The following VPS13C variants were observed in gnomAD, a reference collection of about 807,000 sequenced individuals.
VPS13C encodes intermembrane lipid transfer protein VPS13C.
Under a neutral mutation model 456.8 loss-of-function variants are expected in VPS13C, and 358 were observed. The observed-to-expected ratio is 0.78, with a 90% CI of 0.72 to 0.86. VPS13C has a LOEUF of 0.86. Among genes scored for constraint, VPS13C ranks in the 40% least tolerant of loss-of-function variants. VPS13C has a pLI of 0.00. For synonymous variants in VPS13C, 1,578 were observed against 1,486.7 expected, an observed-to-expected ratio of 1.06 and a Z score of -1.41; for missense variants, 4,818 against 4,385.4, an observed-to-expected ratio of 1.10 and a Z score of -2.79.
At chr15:61,927,028 T>G (rs914902844) in intron 52 of VPS13C, 63 bp downstream of exon 52, 2 of 1,418,402 alleles carry the variant, frequency 1.4e-6, no homozygotes, top group Non-Finnish European at 2.0e-6. Flanking sequence ...TATTCTAGGA[T>G]TCTATGAATC....
chr15:61,961,442 C>A (rs912000062), intron 35 of VPS13C, 147 bp downstream of exon 35: 22 of 557,270 alleles, frequency 3.9e-5, no homozygotes, highest in South Asian at 5.1e-5. Flanking sequence ...CACACACACA[C>A]AAAACAATGA....
At chr15:61,874,055 A>T (rs1895232148) in intron 77 of VPS13C, among the ~76,000 whole-genome samples, 1 of 152,076 alleles carries the variant, frequency 6.6e-6, no homozygotes, top group Admixed American at 6.6e-5. Context: ...GGAGGACATT[A>T]TGTTAAGTGA....
At chr15:62,013,623 C>G (rs754491377) in intron 10 of VPS13C, among the ~76,000 whole-genome samples, 16 of 151,988 alleles carry the variant, frequency 1.1e-4, no homozygotes, top group Non-Finnish European at 2.4e-4. Flanking sequence ...TAGCTTAGTA[C>G]TTTAATCAAT....
chr15:61,875,701 C>T, intron 76 of VPS13C, 31 bp downstream of exon 76: 1 of 1,524,968 alleles, frequency 6.6e-7, no homozygotes, highest in Admixed American at 1.7e-5. Context: ...TTTTTCTGTA[C>T]CTATCCTTAG....
At chr15:62,036,991 A>T (rs2140670202) in intron 3 of VPS13C, among the ~76,000 whole-genome samples, 1 of 150,068 alleles carries the variant, frequency 6.7e-6, no homozygotes, top group Non-Finnish European at 1.5e-5. Flanking sequence ...AATGCTCTGT[A>T]AACCAAAAAA....
intron 1 of VPS13C, among the ~76,000 whole-genome samples, chr15:62,052,066 G>A (rs2048638539): frequency 6.6e-6 from 1 of 152,030 alleles, no homozygotes; most frequent in African/African-American, 2.4e-5. Flanking sequence ...CCAACTCCTA[G>A]GTCAACTTTC....
intron 1 of VPS13C, among the ~76,000 whole-genome samples, chr15:62,050,360 C>T (rs2048576080): frequency 2.0e-5 from 3 of 152,134 alleles, no homozygotes; most frequent in Admixed American, 2.0e-4. Context: ...GGAGGGTAGA[C>T]AATATACACA....
intron 6 of VPS13C, among the ~76,000 whole-genome samples, chr15:62,026,782 T>A (rs2047656199): frequency 6.6e-6 from 1 of 152,106 alleles, no homozygotes; most frequent in Admixed American, 6.5e-5. Flanking sequence ...TTGAAGTTTA[T>A]TAAAATTTAA....
intron 9 of VPS13C, among the ~76,000 whole-genome samples, chr15:62,019,891 C>A (rs2047394323): frequency 6.6e-6 from 1 of 151,164 alleles, no homozygotes; most frequent in South Asian, 2.1e-4. Context: ...TCCATACATG[C>A]CCCAAAACAT....
In VPS13C at chr15:62,033,757, T is replaced by G. The variant is rs62007370; in HGVS notation, c.284-215A>C. Among the ~76,000 whole-genome samples the G allele has an allele frequency of 4.9e-3, 746 of 151,464 alleles. 3 individuals are homozygous for G. Among genetic ancestry groups the G allele is most frequent in the Non-Finnish European group, 8.3e-3 (559 of 67,622 alleles). ...AAAAAGAAGGAGGGAAGAAAAGAAATTACAGGTAGAAAGGCAGGTAGGAAA... is the reference window on the plus strand; with the variant it reads ...AAAAAGAAGGAGGGAAGAAAAGAAAGTACAGGTAGAAAGGCAGGTAGGAAA... On this transcript the variant is annotated intron_variant, in intron 4 of 84. Coordinates refer to ENST00000644861, the MANE Select transcript of VPS13C (RefSeq NM_020821.3).
At chr15:61,930,201 A>C (rs1238008356) in intron 50 of VPS13C, among the ~76,000 whole-genome samples, 3 of 152,242 alleles carry the variant, frequency 2.0e-5, no homozygotes, top group Non-Finnish European at 4.4e-5. Context: ...TTTGAGTCTG[A>C]AAGTATTCAA....
rs750506240 is a variant in VPS13C, at chr15:61,919,306, G to C, written c.7621C>G (p.Leu2541Val). The change falls in exon 58 of 85, where the codon CTT (leucine) becomes GTT (valine). Residue 2541 changes from leucine (L) to valine (V), a missense_variant. Leu to Val is a conservative substitution (Grantham distance 32). Around this residue, in one of 3 missense-constraint regions of VPS13C, gnomAD observed 4,552 missense variants for 4,130.6 expected, o/e 1.10. Transcript: ENST00000644861. Reference protein sequence around the residue: ...DATEGNKVITLRSPLQIKNHF... With the variant: ...DATEGNKVITVRSPLQIKNHF... The stretch of plus-strand genomic sequence containing the variant: ...AGTATTACCTGTAGAGGAGAGCGAA[G>C]GGTAATTACTTTATTCCCTTCAGTT... 1 of 1,602,722 alleles carries C rather than the reference G, an allele frequency of 6.2e-7. No individual in the cohort carries two copies. Among genetic ancestry groups the C allele is most frequent in the Non-Finnish European group, 8.5e-7 (1 of 1,175,204 alleles).
At chr15:62,058,699 G>A (rs2048884534) in intron 1 of VPS13C, among the ~76,000 whole-genome samples, 1 of 152,086 alleles carries the variant, frequency 6.6e-6, no homozygotes, top group South Asian at 2.1e-4. Context: ...AGATACCAAG[G>A]GACTATTGTA....
At chr15:61,866,743 C>T in intron 81 of VPS13C, 1 of 985,122 alleles carries the variant, frequency 1.0e-6, no homozygotes, top group African/African-American at 1.7e-5. Flanking sequence ...CTAGCACACG[C>T]TGGTTTTTGG....
intron 33 of VPS13C, 21 bp from the exon 34 acceptor site, chr15:61,962,559 T>C: frequency 1.2e-6 from 2 of 1,601,826 alleles, no homozygotes; most frequent in Non-Finnish European, 1.7e-6. Context: ...GAGACTTGAA[T>C]GTACTCTATC....
chr15:61,936,813 T>C (rs1426636861), intron 47 of VPS13C, 63 bp from the exon 48 acceptor site: 2 of 1,458,178 alleles, frequency 1.4e-6, no homozygotes, highest in Non-Finnish European at 1.8e-6. Flanking sequence ...ATCATATCTA[T>C]ATCTCGATTT....
chr15:61,925,190 C>A (rs2043806529), intron 53 of VPS13C, among the ~76,000 whole-genome samples: 1 of 151,874 alleles, frequency 6.6e-6, no homozygotes, highest in South Asian at 2.1e-4. Flanking sequence ...AACTCAACCC[C>A]CACAACACAC....
chr15:61,971,434 T>G (rs1356719646), intron 27 of VPS13C, among the ~76,000 whole-genome samples: 1 of 152,108 alleles, frequency 6.6e-6, no homozygotes, highest in African/African-American at 2.4e-5. Flanking sequence ...GCTAATTTTG[T>G]ATTTTTAGTA....
chr15:61,921,797 T>C (rs1007975958), intron 55 of VPS13C, 150 bp downstream of exon 55: 1 of 652,800 alleles, frequency 1.5e-6, no homozygotes, highest in Non-Finnish European at 2.5e-6. Flanking sequence ...AGAATGAAAA[T>C]GACATATGAA....
Sources: allele counts gnomAD v4.1 joint callset (sites outside exome capture counted in the v4.1 genomes callset), GRCh38; gene constraint gnomAD v4.1.1; regional missense constraint gnomAD v4.1.1; transcripts MANE v1.5; gene names NCBI Gene and HGNC (gene_info 2026-07-23, HGNC 2026-07-21).